TTC9: variants seen among roughly 807,000 people sequenced by gnomAD.
TTC9 encodes the protein tetratricopeptide repeat domain 9.
TTC9 carries 13 observed loss-of-function variants against 22.9 expected under a neutral mutation model. The ratio of observed to expected loss-of-function variants is 0.57; its 90% CI spans 0.37 to 0.90. The LOEUF (loss-of-function observed/expected upper bound fraction) is 0.90, where lower values mean the gene tolerates loss of function less well. Among genes scored for constraint, TTC9 ranks in the 40% least tolerant of loss-of-function variants. The probability of loss-of-function intolerance (pLI) is 0.01; values close to 1 mark genes in which losing one functional copy is unlikely to be tolerated. For synonymous variants in TTC9, 148 were observed against 133.2 expected (o/e 1.11, Z -0.77); for missense variants, 280 against 291.8 (o/e 0.96, Z 0.29).
At chr14:70,669,389 C>G (rs1398162173) in intron 2 of TTC9, among the ~76,000 whole-genome samples, 1 of 152,014 alleles carries the variant, frequency 6.6e-6, no homozygotes, top group Non-Finnish European at 1.5e-5. Flanking sequence ...AAATGATCCT[C>G]CCACCTCAGC....
At chr14:70,663,952 AC>A (rs997314283) in intron 1 of TTC9, among the ~76,000 whole-genome samples, 6 of 151,970 alleles carry the variant, frequency 3.9e-5, no homozygotes, top group Admixed American at 1.3e-4. Context: ...TCCTAATTCT[AC>A]CCCCTTCCAG....
chr14:70,668,093 G>A (rs1371389067), intron 2 of TTC9, among the ~76,000 whole-genome samples: 1 of 152,160 alleles, frequency 6.6e-6, no homozygotes, highest in East Asian at 1.9e-4. Flanking sequence ...TCAATGAAAA[G>A]ACACTGCCGC....
chr14:70,649,750 A>G (rs1885954045), intron 1 of TTC9, among the ~76,000 whole-genome samples: 1 of 152,222 alleles, frequency 6.6e-6, no homozygotes, highest in Non-Finnish European at 1.5e-5. Context: ...TGACATTTTT[A>G]GGGTAACTCT....
chr14:70,643,720 G>C (rs957772521), intron 1 of TTC9, among the ~76,000 whole-genome samples: 3 of 152,182 alleles, frequency 2.0e-5, no homozygotes, highest in African/African-American at 7.2e-5. Flanking sequence ...CTTAAATGCA[G>C]ATCTCTCTGT....
Position 70,642,413 on chromosome 14 carries a change from G to A in TTC9, c.284G>A (p.Gly95Glu), listed in dbSNP as rs750968995. The A allele has an allele frequency of 6.9e-6, 11 of 1,595,636 alleles. No individual in the cohort carries two copies. Among genetic ancestry groups the A allele is most frequent in the Non-Finnish European group, 9.4e-6 (11 of 1,172,412 alleles). Residue 95 changes from glycine to glutamate, a missense_variant, in exon 1 of 3, where the codon GGG becomes GAG. Physicochemically the swap from Gly to Glu is moderately conservative, Grantham distance 98 (BLOSUM62 -2). Around this residue, in one of 5 missense-constraint regions of TTC9, gnomAD observed 165 missense variants for 145.4 expected, o/e 1.14. Coordinates refer to ENST00000256367, the MANE Select transcript of TTC9 (RefSeq NM_015351.2). Reference protein sequence around the residue: ...LELKGLLPPPGERERDSRPAS... With the variant: ...LELKGLLPPPEERERDSRPAS... ...CTGAAGGGGCTGCTGCCGCCCCCCG[G>A]GGAACGGGAGCGGGACTCGCGCCCG... is the stretch of plus-strand genomic sequence containing the variant.
intron 1 of TTC9, among the ~76,000 whole-genome samples, chr14:70,667,045 G>A (rs73287931): frequency 0.2 from 29,827 of 152,132 alleles, 3,115 homozygotes; most frequent in African/African-American, 0.24. Flanking sequence ...ATGTGAGGAA[G>A]AATCTGTTCC....
chr14:70,670,771 C>T (rs533367073), intron 2 of TTC9, among the ~76,000 whole-genome samples: 213 of 152,240 alleles, frequency 1.4e-3, no homozygotes, highest in Non-Finnish European at 2.4e-3. Flanking sequence ...CTAACTGCGC[C>T]GGCTGGGAAA....
At chr14:70,654,124 C>T (rs2139643402) in intron 1 of TTC9, among the ~76,000 whole-genome samples, 1 of 152,166 alleles carries the variant, frequency 6.6e-6, no homozygotes, top group African/African-American at 2.4e-5. Context: ...ACCAAAACAC[C>T]CAGGGTCCCT....
intron 1 of TTC9, among the ~76,000 whole-genome samples, chr14:70,659,207 G>C (rs2139646555): frequency 6.6e-6 from 1 of 151,420 alleles, no homozygotes; most frequent in South Asian, 2.1e-4. Flanking sequence ...AAGATCTGTG[G>C]ATTCTATCAG....
rs1017982556 is a variant in TTC9, at chr14:70,665,938, G to C, written c.407-1626G>C. 2.0e-5 allele frequency among the ~76,000 whole-genome samples: 3 copies of C among 152,242 alleles called. No individual in the cohort carries two copies. In the South Asian group the frequency reaches 6.2e-4, roughly 32 times the overall value. ...CATTCTCCCCCAGCCACCCAGCCGG[G>C]TTGTGAACAGAAGCACCAGTTTTGC... is the stretch of plus-strand genomic sequence containing the variant. On this transcript the variant is annotated intron_variant, in intron 1 of 2. Coordinates refer to ENST00000256367, the MANE Select transcript of TTC9 (RefSeq NM_015351.2).
Position 70,674,166 on chromosome 14 carries a change from T to C in TTC9, c.*3011T>C, listed in dbSNP as rs1047315052. ...GTGATTTAATTCCGTACGTTGCGGA[T>C]GTCACTGCTGACCTATGTAGCTGGA... On this transcript the variant is annotated 3_prime_UTR_variant, in exon 3 of 3. Coordinates refer to ENST00000256367, the MANE Select transcript of TTC9 (RefSeq NM_015351.2). The C allele has an allele frequency of 6.6e-4, 101 of 152,196 alleles. No individual in the cohort carries two copies. Among genetic ancestry groups the C allele is most frequent in the African/African-American group, 2.3e-3 (96 of 41,434 alleles). 9.4% of individuals were successfully genotyped at this position (152,196 alleles called of 1,614,324 possible).
chr14:70,674,417 AC>A lies in TTC9; in HGVS notation c.*3263del, dbSNP rs1886339595. On this transcript the variant is annotated 3_prime_UTR_variant, in exon 3 of 3. Coordinates refer to ENST00000256367, the MANE Select transcript of TTC9 (RefSeq NM_015351.2). ...AGTTCTTTTTGGTGTAAATGTACAC[AC>A]GCACACACAGTTGTGGATTTTTTTA... 6.6e-6 allele frequency: 1 copy of A among 152,244 alleles called. No individual in the cohort carries two copies. The highest frequency in any genetic ancestry group is 2.4e-5 in the African/African-American group (1 of 41,464). The allele number at this position is 152,244 out of a possible 1,614,324, so 9.4% of individuals were successfully genotyped here. A position where few individuals can be genotyped will look rare whatever the true frequency, so the allele number is the denominator to read the frequency against.
Position 70,642,436 on chromosome 14 carries a change from C to G in TTC9, c.307C>G (p.Pro103Ala), listed in dbSNP as rs4902834. 0.83 allele frequency: 1,296,656 copies of G among 1,568,352 alleles called. 536,502 individuals are homozygous for G. Among genetic ancestry groups the G allele is most frequent in the Admixed American group, 0.89 (48,029 of 53,896 alleles). ...CGGGGAACGGGAGCGGGACTCGCGC[C>G]CGGCCTCCCCGGCTGGGGCCCTGAA... ...PPGERERDSR[P>A]ASPAGALKPG... is the part of the protein sequence containing the mutation. Residue 103 changes from proline to alanine, a missense_variant, in exon 1 of 3, where the codon CCG (proline) becomes GCG (alanine). Around this residue, in one of 5 missense-constraint regions of TTC9, gnomAD observed 165 missense variants for 145.4 expected, o/e 1.14. Transcript: ENST00000256367.
At chr14:70,668,953 A>C (rs1377334056) in intron 2 of TTC9, among the ~76,000 whole-genome samples, 3 of 151,968 alleles carry the variant, frequency 2.0e-5, no homozygotes, top group Non-Finnish European at 4.4e-5. Context: ...TCAAGAGATC[A>C]AGACCATCCT....
At chr14:70,644,616 G>T (rs1332098243) in intron 1 of TTC9, among the ~76,000 whole-genome samples, 1 of 152,140 alleles carries the variant, frequency 6.6e-6, no homozygotes, top group Non-Finnish European at 1.5e-5. Context: ...CCAATTTCAG[G>T]TGGGCTCCAA....
chr14:70,667,790 T>A (rs760441819), intron 2 of TTC9, 44 bp downstream of exon 2: 3 of 1,541,908 alleles, frequency 1.9e-6, no homozygotes, highest in Admixed American at 3.8e-5. Context: ...CCTGCTCTGG[T>A]GGCTCCTGGG....
At chr14:70,653,760 A>G (rs965491703) in intron 1 of TTC9, among the ~76,000 whole-genome samples, 10 of 152,234 alleles carry the variant, frequency 6.6e-5, no homozygotes, top group Non-Finnish European at 1.2e-4. Context: ...GCACTCTCAC[A>G]AGTCAGACCA....
chr14:70,642,361 G>A lies in TTC9; in HGVS notation c.232G>A (p.Gly78Ser). ...GGACAAGAAATTCCGTGAAGCCATA[G>A]GCAAATACCACCGGGCGTTGCTGGA... ...YKDKKFREAIGKYHRALLELK... is the reference protein window; with the variant it reads ...YKDKKFREAISKYHRALLELK... Residue 78 changes from glycine (G) to serine (S), a missense_variant, in exon 1 of 3, where the codon GGC becomes AGC. Around this residue, in one of 5 missense-constraint regions of TTC9, gnomAD observed 165 missense variants for 145.4 expected, o/e 1.14. Coordinates refer to ENST00000256367, the MANE Select transcript of TTC9 (RefSeq NM_015351.2). The A allele has an allele frequency of 6.2e-7, 1 of 1,605,108 alleles. No homozygotes were observed.
chr14:70,671,243 CT>C lies in TTC9; in HGVS notation c.*91del. 9.0e-7 allele frequency: 1 copy of C among 1,112,916 alleles called. No homozygotes were observed. Among genetic ancestry groups the C allele is most frequent in the Non-Finnish European group, 1.3e-6 (1 of 757,902 alleles). 68.9% of individuals were successfully genotyped at this position (1,112,916 alleles called of 1,614,324 possible). ...GAGAGCCCCGTCCTGGATTCTGTCC[CT>C]TTCTCCCCACTTCTTCTGGCTCCTC... On this transcript the variant is annotated 3_prime_UTR_variant, in exon 3 of 3. Transcript: ENST00000256367.
Sources: gnomAD v4.1 joint callset for allele counts (sites outside exome capture counted in the v4.1 genomes callset) on GRCh38, gnomAD v4.1.1 for gene constraint, gnomAD v4.1.1 regional missense constraint, MANE v1.5 for transcripts, NCBI Gene and HGNC (gene_info 2026-07-23, HGNC 2026-07-21) for gene names.